Variants in DGKI observed in about 807,000 individuals in gnomAD.
DGKI encodes diacylglycerol kinase iota.
Under a neutral mutation model 147.5 loss-of-function variants are expected in DGKI, and 55 were observed. The ratio of observed to expected loss-of-function variants is 0.37; its 90% CI spans 0.30 to 0.47. The LOEUF (loss-of-function observed/expected upper bound fraction) is 0.47. Ranked by LOEUF, DGKI falls within the 20% of genes least tolerant of loss-of-function variation. The pLI, the probability that DGKI is intolerant of heterozygous loss-of-function variation, is 1.00. For synonymous variants in DGKI, 469 were observed against 477.1 expected (o/e 0.98, Z 0.22); for missense variants, 1,007 against 1,323.8 (o/e 0.76, Z 3.71).
At chr7:137,540,258 A>G (rs1427026794) in intron 20 of DGKI, among the ~76,000 whole-genome samples, 3 of 152,260 alleles carry the variant, frequency 2.0e-5, no homozygotes, top group Non-Finnish European at 4.4e-5. Flanking sequence ...GGTGAAAGAC[A>G]GAATGATTTC....
chr7:137,811,598 T>C (rs1480314421), intron 1 of DGKI, among the ~76,000 whole-genome samples: 2 of 152,176 alleles, frequency 1.3e-5, no homozygotes, highest in African/African-American at 4.8e-5. Flanking sequence ...TAAAACGTAG[T>C]ATAAGGGTTG....
rs190108590 is a variant in DGKI, at chr7:137,440,486, T to C, written c.2761+3591A>G. On this transcript the variant is annotated intron_variant, in intron 28 of 32. Coordinates refer to ENST00000614521, the MANE Select transcript of DGKI (RefSeq NM_001321708.2). ...TTAGAGGAGGGAAGAATTATCTCCATAGTTCTATCCATTCAATCATGTCTT... is the reference window on the plus strand; with the variant it reads ...TTAGAGGAGGGAAGAATTATCTCCACAGTTCTATCCATTCAATCATGTCTT... Among the ~76,000 whole-genome samples, 523 of 152,366 alleles carry C rather than the reference T, an allele frequency of 3.4e-3. 1 individual carries two copies. The highest frequency in any genetic ancestry group is 0.012 in the African/African-American group (495 of 41,592).
intron 1 of DGKI, among the ~76,000 whole-genome samples, chr7:137,800,022 G>A (rs1317312202): frequency 1.3e-5 from 2 of 152,134 alleles, no homozygotes; most frequent in Non-Finnish European, 2.9e-5. Flanking sequence ...CAAATACCAG[G>A]GGTGGCAGGG....
At chr7:137,421,984 T>C (rs746394462) in intron 28 of DGKI, among the ~76,000 whole-genome samples, 2 of 152,184 alleles carry the variant, frequency 1.3e-5, no homozygotes, top group East Asian at 3.8e-4. Context: ...CAAATCTCTT[T>C]GTAAATCTCA....
chr7:137,756,375 T>C lies in DGKI; in HGVS notation c.402-66373A>G, dbSNP rs3800655. Reference sequence around the variant, plus strand: ...CTGATTCATTTGTAAGCTACACTAATAATCCCATGATGCAAACACAGAAGA... The same window carrying C: ...CTGATTCATTTGTAAGCTACACTAACAATCCCATGATGCAAACACAGAAGA... On this transcript the variant is annotated intron_variant, in intron 1 of 32. Transcript: ENST00000614521. Among the ~76,000 whole-genome samples, 24 of 152,294 alleles carry C rather than the reference T, an allele frequency of 1.6e-4. No homozygotes were observed. The East Asian group carries it at 4.6e-3, about 29-fold the overall frequency.
intron 1 of DGKI, among the ~76,000 whole-genome samples, chr7:137,693,981 T>G (rs1823696524): frequency 2.0e-5 from 3 of 152,232 alleles, no homozygotes; most frequent in Admixed American, 2.0e-4. Context: ...TTTTACAATG[T>G]GTTTAATGAA....
chr7:137,516,931 G>GA (rs1816764812), intron 21 of DGKI, among the ~76,000 whole-genome samples: 2 of 152,006 alleles, frequency 1.3e-5, no homozygotes, highest in African/African-American at 2.4e-5. Flanking sequence ...TAGGGAAGGG[G>GA]AAAAAATTGT....
intron 8 of DGKI, 82 bp from the exon 9 acceptor site, chr7:137,609,691 G>A (rs902236053): frequency 8.5e-6 from 8 of 936,216 alleles, no homozygotes; most frequent in African/African-American, 4.9e-5. Context: ...AGAAGATGAC[G>A]GCAGCGCATG....
intron 1 of DGKI, among the ~76,000 whole-genome samples, chr7:137,812,012 T>C (rs1420538668): frequency 6.6e-6 from 1 of 152,236 alleles, no homozygotes; most frequent in Non-Finnish European, 1.5e-5. Context: ...ATAGCTGTTA[T>C]CTTAGTTTAC....
chr7:137,649,771 A>G (rs1563131854), intron 5 of DGKI, among the ~76,000 whole-genome samples: 2 of 147,154 alleles, frequency 1.4e-5, no homozygotes, highest in African/African-American at 5.0e-5. Context: ...TTATATATAT[A>G]TGTATATATA....
intron 1 of DGKI, among the ~76,000 whole-genome samples, chr7:137,829,492 G>C (rs1253923405): frequency 6.6e-6 from 1 of 152,184 alleles, no homozygotes; most frequent in Non-Finnish European, 1.5e-5. Flanking sequence ...CTGTTTAATA[G>C]AACTTTCCAC....
At chr7:137,603,988 T>A (rs991300892) in intron 10 of DGKI, among the ~76,000 whole-genome samples, 1 of 152,154 alleles carries the variant, frequency 6.6e-6, no homozygotes, top group Non-Finnish European at 1.5e-5. Context: ...AGCTTTTTTT[T>A]CTCCCAGACT....
At chr7:137,467,916 C>T (rs1408537617) in intron 24 of DGKI, among the ~76,000 whole-genome samples, 1 of 150,384 alleles carries the variant, frequency 6.6e-6, no homozygotes, top group Non-Finnish European at 1.5e-5. Context: ...CCCAGGAGTT[C>T]AAGGCTGCGG....
intron 14 of DGKI, among the ~76,000 whole-genome samples, chr7:137,583,375 G>T (rs1171481750): frequency 6.6e-6 from 1 of 152,016 alleles, no homozygotes; most frequent in East Asian, 1.9e-4. Context: ...TGACAGCATG[G>T]GTTGGTGATC....
At chr7:137,445,163 A>C (rs1813666369) in intron 27 of DGKI, among the ~76,000 whole-genome samples, 1 of 152,200 alleles carries the variant, frequency 6.6e-6, no homozygotes, top group African/African-American at 2.4e-5. Context: ...GGTTGAAAAT[A>C]ATTTTTAGCT....
At chr7:137,716,230 A>G (rs1794372469) in intron 1 of DGKI, among the ~76,000 whole-genome samples, 1 of 152,188 alleles carries the variant, frequency 6.6e-6, no homozygotes, top group Admixed American at 6.5e-5. Context: ...CATTCTTACA[A>G]CTGTCTTATT....
intron 1 of DGKI, among the ~76,000 whole-genome samples, chr7:137,830,612 A>G (rs1293729399): frequency 6.6e-6 from 1 of 152,226 alleles, no homozygotes; most frequent in African/African-American, 2.4e-5. Flanking sequence ...AGTTGATTGA[A>G]AACCACTTTT....
At chr7:137,567,058 A>G (rs917362244) in intron 19 of DGKI, among the ~76,000 whole-genome samples, 7 of 128,756 alleles carry the variant, frequency 5.4e-5, no homozygotes, top group Non-Finnish European at 9.3e-5. Context: ...TGAGGTCAGG[A>G]GTTCAAGACC....
At chr7:137,543,014 T>A (rs1015350471) in intron 20 of DGKI, among the ~76,000 whole-genome samples, 3 of 152,186 alleles carry the variant, frequency 2.0e-5, no homozygotes, top group Non-Finnish European at 2.9e-5. Context: ...ATGGAACACA[T>A]TATTTCATTT....
Sources: allele counts gnomAD v4.1 joint callset (sites outside exome capture counted in the v4.1 genomes callset), GRCh38; gene constraint gnomAD v4.1.1; transcripts MANE v1.5; gene names NCBI Gene and HGNC (gene_info 2026-07-23, HGNC 2026-07-21).